Variants in DUOXA1 observed in about 807,000 individuals in gnomAD.
DUOXA1 encodes dual oxidase maturation factor 1.
A neutral mutation model predicts 26.6 loss-of-function variants in DUOXA1; 19 were observed. The observed-to-expected ratio is 0.71, with a 90% CI of 0.50 to 1.05. The LOEUF is 1.05. Among genes scored for constraint, DUOXA1 ranks in the 50% least tolerant of loss-of-function variants. DUOXA1 has a pLI of 0.00. For synonymous variants in DUOXA1, 166 were observed against 177.0 expected, an observed-to-expected ratio of 0.94 and a Z score of 0.49; for missense variants, 403 against 427.5, an observed-to-expected ratio of 0.94 and a Z score of 0.51.
chr15:45,120,279 G>C lies in DUOXA1; in HGVS notation c.596C>G (p.Ser199Cys). 3.7e-6 allele frequency: 6 copies of C among 1,614,148 alleles called. No homozygotes were observed. The highest frequency in any genetic ancestry group is 5.1e-6 in the Non-Finnish European group (6 of 1,180,014). ...LCWLLANVML[S>C]MPVLVYGGYM... Reference sequence around the variant, plus strand: ...GCCACCATATACCAGCACAGGCATGGAGAGCATCACATTGGCCAGCAGCCA... The same window carrying C: ...GCCACCATATACCAGCACAGGCATGCAGAGCATCACATTGGCCAGCAGCCA... Residue 199 changes from serine to cysteine, a missense_variant, in exon 8 of 9, where the codon TCC (serine) becomes TGC (cysteine). By Grantham distance (112) the Ser-to-Cys change is moderately radical. Coordinates refer to ENST00000560572, the MANE Select transcript of DUOXA1 (RefSeq NM_001276266.2).
rs752133621 is a variant in DUOXA1 at position 45,117,800 on chromosome 15, G to T, written c.*1306C>A. On this transcript the variant is annotated 3_prime_UTR_variant, in exon 9 of 9. Transcript: ENST00000560572. ...GCTCTTCGCACCCTTCTGGACCAAAGCGCCAAGGACTGCAGCCAGGAGAGA... is the reference window on the plus strand; with the variant it reads ...GCTCTTCGCACCCTTCTGGACCAAATCGCCAAGGACTGCAGCCAGGAGAGA... 15 of 1,613,844 alleles carry T rather than the reference G, an allele frequency of 9.3e-6. No individual in the cohort carries two copies. Among genetic ancestry groups the T allele is most frequent in the Non-Finnish European group, 1.2e-5 (14 of 1,180,068 alleles).
At position 45,117,856 on chromosome 15, in the gene DUOXA1, C is replaced by A. The variant is rs770426058; in HGVS notation, c.*1250G>T. Reference sequence around the variant, plus strand: ...CTCACCTCTTATCCTCGGCGACCCACTGCACAAGCAGGCCGCTCTCCCAGA... The same window carrying A: ...CTCACCTCTTATCCTCGGCGACCCAATGCACAAGCAGGCCGCTCTCCCAGA... On this transcript the variant is annotated 3_prime_UTR_variant, in exon 9 of 9. Transcript: ENST00000560572. 3 of 1,613,748 alleles carry A rather than the reference C, an allele frequency of 1.9e-6. No homozygotes were observed. The Admixed American group carries it at 5.0e-5, about 27-fold the overall frequency.
At chr15:45,124,945 G>T (rs1275390437) in intron 3 of DUOXA1, among the ~76,000 whole-genome samples, 1 of 152,090 alleles carries the variant, frequency 6.6e-6, no homozygotes, top group African/African-American at 2.4e-5. Flanking sequence ...TCTGTAAATG[G>T]ATTTCATAAT....
In DUOXA1 at chr15:45,120,649, G is replaced by T; in HGVS notation, c.497C>A (p.Pro166Gln). The T allele has an allele frequency of 6.2e-7, 1 of 1,614,100 alleles. No homozygotes were observed. Among genetic ancestry groups the T allele is most frequent in the Non-Finnish European group, 8.5e-7 (1 of 1,180,004 alleles). ...YLAEKFTPRS[P>Q]CGLYRQYRLA... ...GCGGTACTGGCGGTATAGGCCACAT[G>T]GGCTTCTTGGAGTGAACTTCTCAGC... Residue 166 changes from proline (P) to glutamine (Q), a missense_variant, in exon 7 of 9, where the codon CCA becomes CAA. Transcript: ENST00000560572.
intron 5 of DUOXA1, among the ~76,000 whole-genome samples, chr15:45,121,903 C>T (rs1038219077): frequency 6.6e-6 from 1 of 152,236 alleles, no homozygotes; most frequent in Non-Finnish European, 1.5e-5. Context: ...CTTTCTGGGG[C>T]CCTCTCCCCA....
In DUOXA1 at chr15:45,122,242, T is replaced by C. The variant is rs771536979; in HGVS notation, c.148A>G (p.Arg50Gly). Reference protein sequence around the residue: ...VILPGIRGKTRLFWLLRVVTS... With the variant: ...VILPGIRGKTGLFWLLRVVTS... ...ACCACCCGAAGCAGCCAGAACAGCCTCTGAGTCACAAGGTAGGTGGGTTAA... is the reference window on the plus strand; with the variant it reads ...ACCACCCGAAGCAGCCAGAACAGCCCCTGAGTCACAAGGTAGGTGGGTTAA... Residue 50 changes from arginine to glycine, a missense_variant and splice_region_variant, in exon 5 of 9, where the codon AGG becomes GGG. Coordinates refer to ENST00000560572, the MANE Select transcript of DUOXA1 (RefSeq NM_001276266.2). The C allele has an allele frequency of 6.2e-7, 1 of 1,603,676 alleles. No individual in the cohort carries two copies. Among genetic ancestry groups the C allele is most frequent in the South Asian group, 1.1e-5 (1 of 88,804 alleles).
Position 45,121,082 on chromosome 15 carries a change from C to CAGGT in DUOXA1, c.340+4_340+5insACCT. 6.2e-7 allele frequency: 1 copy of CAGGT among 1,614,164 alleles called. No homozygotes were observed. The stretch of plus-strand genomic sequence containing the variant: ...CCCCCACCACAGGTAAGAGCCCTCC[C>CAGGT]TCACCTGTGAGTGTGATGTTGACTC... On this transcript the variant is annotated splice_donor_region_variant and intron_variant, in intron 6 of 8. Coordinates refer to ENST00000560572, the MANE Select transcript of DUOXA1 (RefSeq NM_001276266.2).
intron 4 of DUOXA1, 89 bp from the exon 5 acceptor site, chr15:45,122,331 T>C: frequency 7.6e-7 from 1 of 1,317,236 alleles, no homozygotes; most frequent in Non-Finnish European, 1.1e-6. Flanking sequence ...GGGGCGGGAA[T>C]TCTAAAGCTG....
At position 45,120,084 on chromosome 15, in the gene DUOXA1, C is replaced by A. The variant is rs371203619; in HGVS notation, c.772+19G>T. ...TGGCCTTGAGACTTCTAGTGCTTGT[C>A]TTTAGGGCTGGGTCTTACCTGTGGT... On this transcript the variant is annotated intron_variant, in intron 8 of 8. Coordinates refer to ENST00000560572, the MANE Select transcript of DUOXA1 (RefSeq NM_001276266.2). The A allele has an allele frequency of 6.2e-7, 1 of 1,613,442 alleles. No homozygotes were observed. Among genetic ancestry groups the A allele is most frequent in the Non-Finnish European group, 8.5e-7 (1 of 1,179,870 alleles).
At chr15:45,125,799 G>C (rs1287478884) in intron 3 of DUOXA1, among the ~76,000 whole-genome samples, 1 of 152,008 alleles carries the variant, frequency 6.6e-6, no homozygotes, top group Non-Finnish European at 1.5e-5. Context: ...ATCTGTGGTG[G>C]CTCTCTTCTT....
chr15:45,123,825 C>T (rs2141209356), intron 3 of DUOXA1, among the ~76,000 whole-genome samples: 1 of 152,354 alleles, frequency 6.6e-6, no homozygotes, highest in Middle Eastern at 3.4e-3. Context: ...TGCCCATCCC[C>T]TGATCTGAGA....
In DUOXA1 at chr15:45,120,265, C is replaced by T. The variant is rs367933259; in HGVS notation, c.610G>A (p.Val204Ile). The change falls in exon 8 of 9, where the codon GTA becomes ATA. Residue 204 changes from valine to isoleucine, a missense_variant. Coordinates refer to ENST00000560572, the MANE Select transcript of DUOXA1 (RefSeq NM_001276266.2). Reference sequence around the variant, plus strand: ...GCCAATAGCATGTAGCCACCATATACCAGCACAGGCATGGAGAGCATCACA... The same window carrying T: ...GCCAATAGCATGTAGCCACCATATATCAGCACAGGCATGGAGAGCATCACA... ...ANVMLSMPVL[V>I]YGGYMLLATG... The T allele has an allele frequency of 1.9e-6, 3 of 1,614,012 alleles. No homozygotes were observed. The highest frequency in any genetic ancestry group is 1.3e-5 in the African/African-American group (1 of 74,908).
chr15:45,118,518 T>A lies in DUOXA1; in HGVS notation c.*588A>T. Reference sequence around the variant, plus strand: ...TAAATCCCAAGATTCTTGGCAAGTCTTGCAATCTTATGTAGCAAATTTGGG... The same window carrying A: ...TAAATCCCAAGATTCTTGGCAAGTCATGCAATCTTATGTAGCAAATTTGGG... On this transcript the variant is annotated 3_prime_UTR_variant, in exon 9 of 9. Transcript: ENST00000560572. 1 of 994,654 alleles carries A rather than the reference T, an allele frequency of 1.0e-6. No homozygotes were observed. The highest frequency in any genetic ancestry group is 1.2e-6 in the Non-Finnish European group (1 of 836,304). 61.6% of individuals were successfully genotyped at this position (994,654 alleles called of 1,614,324 possible). A position where few individuals can be genotyped will look rare whatever the true frequency, so the allele number is the denominator to read the frequency against.
intron 8 of DUOXA1, 65 bp from the exon 9 acceptor site, chr15:45,119,430 CT>C (rs1894933539): frequency 1.3e-6 from 2 of 1,510,418 alleles, no homozygotes; most frequent in South Asian, 1.3e-5. Flanking sequence ...ATATCTTCCC[CT>C]GGGAGTGTCA....
chr15:45,122,811 C>T, intron 4 of DUOXA1, 57 bp downstream of exon 4: 1 of 1,541,136 alleles, frequency 6.5e-7, no homozygotes, highest in Non-Finnish European at 8.7e-7. Context: ...ACTCTGAACC[C>T]CTCAGCCTGA....
In DUOXA1 at chr15:45,120,619, G is replaced by A. The variant is rs746258066; in HGVS notation, c.527C>T (p.Ala176Val). ...PCGLYRQYRL[A>V]GHYTSAMLWV... is the part of the protein sequence containing the mutation. ...TAGCATGGCTGAGGTGTAGTGTCCCGCCAGGCGGTACTGGCGGTATAGGCC... is the reference window on the plus strand; with the variant it reads ...TAGCATGGCTGAGGTGTAGTGTCCCACCAGGCGGTACTGGCGGTATAGGCC... The change falls in exon 7 of 9, where the codon GCG becomes GTG. Residue 176 changes from alanine to valine, a missense_variant. Transcript: ENST00000560572. The A allele has an allele frequency of 1.1e-5, 18 of 1,613,988 alleles. No individual in the cohort carries two copies. Among genetic ancestry groups the A allele is most frequent in the Middle Eastern group, 3.3e-4 (2 of 6,084 alleles).
rs753121085 is a variant in DUOXA1, at chr15:45,119,192, A to G, written c.946T>C (p.Ser316Pro). ...GCCTCTGACAGGGGAATGTCCTGGG[A>G]CTTGGGACTGTCAGCCATGGACCGG... ...RYRSMADSPK[S>P]QDIPLSEASS... The change falls in exon 9 of 9, where the codon TCC becomes CCC. Residue 316 changes from serine to proline, a missense_variant. Ser to Pro is a moderately conservative substitution (Grantham distance 74). Coordinates refer to ENST00000560572, the MANE Select transcript of DUOXA1 (RefSeq NM_001276266.2). 12 of 1,613,844 alleles carry G rather than the reference A, an allele frequency of 7.4e-6. No individual in the cohort carries two copies. Among genetic ancestry groups the G allele is most frequent in the Middle Eastern group, 3.3e-4 (2 of 6,082 alleles).
chr15:45,119,098 G>C lies in DUOXA1; in HGVS notation c.*8C>G. 1 of 1,566,716 alleles carries C rather than the reference G, an allele frequency of 6.4e-7. No homozygotes were observed. Among genetic ancestry groups the C allele is most frequent in the Non-Finnish European group, 8.7e-7 (1 of 1,147,982 alleles). On this transcript the variant is annotated 3_prime_UTR_variant, in exon 9 of 9. Coordinates refer to ENST00000560572, the MANE Select transcript of DUOXA1 (RefSeq NM_001276266.2). Reference sequence around the variant, plus strand: ...TGGAAGTCCAGGTGGCCTCCACGGGGAGGAATGTTATAAAGCACAATCAGG... The same window carrying C: ...TGGAAGTCCAGGTGGCCTCCACGGGCAGGAATGTTATAAAGCACAATCAGG...
At chr15:45,121,010 C>G in intron 6 of DUOXA1, 77 bp downstream of exon 6, 1 of 1,597,532 alleles carries the variant, frequency 6.3e-7, no homozygotes, top group Non-Finnish European at 8.5e-7. Flanking sequence ...CATCCTATAG[C>G]TCTTTGACCA....
Sources: allele counts gnomAD v4.1 joint callset (sites outside exome capture counted in the v4.1 genomes callset), GRCh38; gene constraint gnomAD v4.1.1; transcripts MANE v1.5; gene names NCBI Gene and HGNC (gene_info 2026-07-23, HGNC 2026-07-21).